The following DERPC variants were observed in gnomAD, a reference collection of about 807,000 sequenced individuals.
DERPC encodes the protein DERPC proline and glycine rich nuclear protein, also known as decreased expression in renal and prostate cancer protein.
In DERPC, 1 loss-of-function variant was observed where a neutral mutation model predicts 7.2. The observed-to-expected ratio is 0.14, with a 90% CI of 0.05 to 0.66. DERPC has a LOEUF of 0.66. Among genes scored for constraint, DERPC ranks in the 30% least tolerant of loss-of-function variants. DERPC has a pLI of 0.84. For synonymous variants in DERPC, 185 were observed against 117.6 expected (o/e 1.57, Z -3.71); for missense variants, 502 against 299.4 (o/e 1.68, Z -4.99).
intron 1 of DERPC, among the ~76,000 whole-genome samples, chr16:69,130,463 G>A (rs950042837): frequency 6.6e-6 from 1 of 152,184 alleles, no homozygotes; most frequent in South Asian, 2.1e-4. Context: ...TTGAGCTTTT[G>A]TTTTTTGATC....
In DERPC at chr16:69,118,227, G is replaced by C. The variant is rs1308374490; in HGVS notation, c.*627C>G. 4.8e-6 allele frequency: 3 copies of C among 621,480 alleles called. No individual in the cohort carries two copies. The highest frequency in any genetic ancestry group is 9.0e-6 in the Non-Finnish European group (3 of 334,166). 38.5% of individuals were successfully genotyped at this position (621,480 alleles called of 1,614,324 possible). Reference sequence around the variant, plus strand: ...GTGAAGAGGGAGTTGGATGAGTAGAGGGGCCTTAAATCTGGCCACCTCTAA... The same window carrying C: ...GTGAAGAGGGAGTTGGATGAGTAGACGGGCCTTAAATCTGGCCACCTCTAA... On this transcript the variant is annotated 3_prime_UTR_variant, in exon 3 of 3. Coordinates refer to ENST00000519520, the MANE Select transcript of DERPC (RefSeq NM_001002847.4).
At chr16:69,130,581 C>A (rs1408708184) in intron 1 of DERPC, among the ~76,000 whole-genome samples, 6 of 152,176 alleles carry the variant, frequency 3.9e-5, no homozygotes, top group Non-Finnish European at 5.9e-5. Context: ...GGTAGTTTAA[C>A]CTCACGTGTT....
At chr16:69,125,642 C>T (rs185261617) in intron 1 of DERPC, among the ~76,000 whole-genome samples, 117 of 152,340 alleles carry the variant, frequency 7.7e-4, no homozygotes, top group African/African-American at 2.6e-3. Context: ...TGTGGGACCA[C>T]TGGAAAAGGG....
intron 1 of DERPC, among the ~76,000 whole-genome samples, chr16:69,122,335 C>T (rs982074663): frequency 6.6e-6 from 1 of 151,736 alleles, no homozygotes; most frequent in Non-Finnish European, 1.5e-5. Context: ...CTCTTGCTCA[C>T]TATGCTGATG....
chr16:69,120,504 A>C lies in DERPC; in HGVS notation c.-76T>G. On this transcript the variant is annotated 5_prime_UTR_variant, in exon 3 of 3. It removes the in-frame stop codon of an upstream open reading frame in the 5' UTR. Coordinates refer to ENST00000519520, the MANE Select transcript of DERPC (RefSeq NM_001002847.4). This position sits in a 1 kb window ranked among gnomAD's most constrained non-coding sequence, Gnocchi z 4.0. Reference sequence around the variant, plus strand: ...GATCTTGTCTTTGATGAGTGCTGTCACCAGGTACCGGGTGCCAGTCTCGCG... The same window carrying C: ...GATCTTGTCTTTGATGAGTGCTGTCCCCAGGTACCGGGTGCCAGTCTCGCG... 6.2e-7 allele frequency: 1 copy of C among 1,614,114 alleles called. No homozygotes were observed. Among genetic ancestry groups the C allele is most frequent in the Non-Finnish European group, 8.5e-7 (1 of 1,180,036 alleles).
At chr16:69,129,116 C>A (rs1234103273) in intron 1 of DERPC, among the ~76,000 whole-genome samples, 1 of 151,262 alleles carries the variant, frequency 6.6e-6, no homozygotes, top group Non-Finnish European at 1.5e-5. Context: ...AATCAAAGCA[C>A]CACCATGATT....
chr16:69,127,570 AAG>A (rs1204706855), intron 1 of DERPC, among the ~76,000 whole-genome samples: 1 of 151,724 alleles, frequency 6.6e-6, no homozygotes, highest in East Asian at 1.9e-4. Context: ...AAGAAACTAA[AAG>A]AGAGTCAGTG....
chr16:69,126,163 A>G (rs957830279), intron 1 of DERPC, among the ~76,000 whole-genome samples: 2 of 152,244 alleles, frequency 1.3e-5, no homozygotes, highest in Admixed American at 6.5e-5. Flanking sequence ...TAGAGAAGCA[A>G]TAAGGTGTTC....
intron 1 of DERPC, among the ~76,000 whole-genome samples, chr16:69,123,587 G>A (rs1279271825): frequency 6.6e-6 from 1 of 152,070 alleles, no homozygotes; most frequent in East Asian, 1.9e-4. Flanking sequence ...AACCCTGGGA[G>A]GCAAAGGTTA....
In DERPC at chr16:69,119,287, T is replaced by C; in HGVS notation, c.1142A>G (p.Asn381Ser). The change falls in exon 3 of 3, where the codon AAC (asparagine) becomes AGC (serine). Residue 381 changes from asparagine (N) to serine (S), a missense_variant. By Grantham distance (46) the Asn-to-Ser change is conservative (BLOSUM62 1). Coordinates refer to ENST00000519520, the MANE Select transcript of DERPC (RefSeq NM_001002847.4). ...FSQSSGTLASNPATFQRSAGL... is the reference protein window; with the variant it reads ...FSQSSGTLASSPATFQRSAGL... ...AGCGGACCTTTGGAAGGTAGCTGGG[T>C]TTGATGCCAATGTGCCAGAAGACTG... The C allele has an allele frequency of 1.4e-6, 1 of 702,996 alleles. No homozygotes were observed. Among genetic ancestry groups the C allele is most frequent in the Non-Finnish European group, 2.6e-6 (1 of 385,002 alleles). 43.5% of individuals were successfully genotyped at this position (702,996 alleles called of 1,614,324 possible).
At chr16:69,126,926 A>T (rs1025936754) in intron 1 of DERPC, among the ~76,000 whole-genome samples, 6 of 152,172 alleles carry the variant, frequency 3.9e-5, no homozygotes, top group Non-Finnish European at 8.8e-5. Flanking sequence ...CAGGGAGTAT[A>T]TATTTCATTC....
rs776038199 is a variant in DERPC at position 69,120,397 on chromosome 16, C to T, written c.32G>A (p.Arg11Gln). 5 of 1,610,226 alleles carry T rather than the reference C, an allele frequency of 3.1e-6. No individual in the cohort carries two copies. The highest frequency in any genetic ancestry group is 4.2e-6 in the Non-Finnish European group (5 of 1,176,640). Residue 11 changes from arginine (R) to glutamine (Q), a missense_variant, in exon 3 of 3, where the codon CGG becomes CAG. Physicochemically the swap from Arg to Gln is conservative, Grantham distance 43 (BLOSUM62 1). Transcript: ENST00000519520. The surrounding 1 kb of genome is among the most constrained non-coding windows in gnomAD (Gnocchi z 4.0). The stretch of plus-strand genomic sequence containing the variant: ...CGGAGCACGAGTCCAAGGAGTTGGC[C>T]GCTCTCTAGGGAAAATCCGAGGTTC... MKEPRIFPRE[R>Q]PTPWTRAPLP...
At chr16:69,121,142 C>T (rs770988516) in intron 2 of DERPC, 24 of 1,613,272 alleles carry the variant, frequency 1.5e-5, no homozygotes, top group Non-Finnish European at 2.0e-5. Flanking sequence ...TCCATCAGCA[C>T]CCATTCTGCC....
At chr16:69,127,691 CCT>C (rs1407643140) in intron 1 of DERPC, among the ~76,000 whole-genome samples, 2 of 147,680 alleles carry the variant, frequency 1.4e-5, no homozygotes, top group Non-Finnish European at 3.0e-5. Context: ...CTCATTGCAA[CCT>C]CTGTCTCCCA....
At position 69,119,156 on chromosome 16, in the gene DERPC, T is replaced by A. The variant is rs1380128292; in HGVS notation, c.1273A>T (p.Thr425Ser). ...GGGCCAGTAGACCTTGGGAAGGTAG[T>A]TGGACTTGGACCCTGCAGGCCAGTG... ...RATGLQGPSP[T>S]TFPRSTGPLG... The change falls in exon 3 of 3, where the codon ACT becomes TCT. Residue 425 changes from threonine to serine, a missense_variant. By Grantham distance (58) the Thr-to-Ser change is moderately conservative (BLOSUM62 1). Transcript: ENST00000519520. 1.4e-6 allele frequency: 1 copy of A among 702,976 alleles called. No individual in the cohort carries two copies. The highest frequency in any genetic ancestry group is 2.6e-6 in the Non-Finnish European group (1 of 384,996). 43.5% of individuals were successfully genotyped at this position (702,976 alleles called of 1,614,324 possible). A position where few individuals can be genotyped will look rare whatever the true frequency, so the allele number is the denominator to read the frequency against.
At position 69,120,832 on chromosome 16, in the gene DERPC, T is replaced by C. The variant is rs945022157; in HGVS notation, c.-221-183A>G. 3 of 735,640 alleles carry C rather than the reference T, an allele frequency of 4.1e-6. No individual in the cohort carries two copies. The highest frequency in any genetic ancestry group is 2.3e-4 in the Middle Eastern group (1 of 4,358). 45.6% of individuals were successfully genotyped at this position (735,640 alleles called of 1,614,324 possible). On this transcript the variant is annotated intron_variant, in intron 2 of 2. Coordinates refer to ENST00000519520, the MANE Select transcript of DERPC (RefSeq NM_001002847.4). The surrounding 1 kb of genome is among the most constrained non-coding windows in gnomAD (Gnocchi z 4.0). ...GCCCTTTTTACTTTCTAGCCCCACA[T>C]AGGAGAATTTCCACTTTCAGAAATG... is the stretch of plus-strand genomic sequence containing the variant.
intron 1 of DERPC, among the ~76,000 whole-genome samples, chr16:69,131,616 C>A (rs1268380010): frequency 6.9e-6 from 1 of 145,170 alleles, no homozygotes; most frequent in South Asian, 2.3e-4. Context: ...CTCTTCTCCA[C>A]CCCCCTCCAA....
At chr16:69,122,539 ATT>A (rs764144816) in intron 1 of DERPC, among the ~76,000 whole-genome samples, 23 of 130,686 alleles carry the variant, frequency 1.8e-4, no homozygotes, top group Admixed American at 1.5e-4. Context: ...TACCCAGCTA[ATT>A]TTTTTTTTTT....
At position 69,118,412 on chromosome 16, in the gene DERPC, G is replaced by C; in HGVS notation, c.*442C>G. Reference sequence around the variant, plus strand: ...CCAGGTCCAAGCTGCCCAGGTCAGAGCTACGGAAGCATGGTCCGTTCACCA... The same window carrying C: ...CCAGGTCCAAGCTGCCCAGGTCAGACCTACGGAAGCATGGTCCGTTCACCA... On this transcript the variant is annotated 3_prime_UTR_variant, in exon 3 of 3. Coordinates refer to ENST00000519520, the MANE Select transcript of DERPC (RefSeq NM_001002847.4). 1 of 1,613,706 alleles carries C rather than the reference G, an allele frequency of 6.2e-7. No individual in the cohort carries two copies. The highest frequency in any genetic ancestry group is 2.2e-5 in the East Asian group (1 of 44,886).
Sources: allele counts gnomAD v4.1 joint callset (sites outside exome capture counted in the v4.1 genomes callset), GRCh38; gene constraint gnomAD v4.1.1; non-coding constraint Gnocchi (gnomAD v3.1); transcripts MANE v1.5; gene names NCBI Gene and HGNC (gene_info 2026-07-23, HGNC 2026-07-21).